The following DAZAP1 variants were observed in gnomAD, a reference collection of about 807,000 sequenced individuals.
DAZAP1 encodes the protein DAZ associated protein 1, also known as DAZ-associated protein 1.
In DAZAP1, 6 loss-of-function variants were observed where a neutral mutation model predicts 60.1. The observed-to-expected ratio is 0.10, with a 90% CI of 0.05 to 0.20. The LOEUF (loss-of-function observed/expected upper bound fraction) is 0.20. Among genes scored for constraint, DAZAP1 ranks in the 10% least tolerant of loss-of-function variants. The probability of loss-of-function intolerance (pLI) is 1.00; values close to 1 mark genes in which losing one functional copy is unlikely to be tolerated. For missense variants in DAZAP1, 366 were observed against 560.4 expected (o/e 0.65, Z 3.50); for synonymous variants, 235 against 215.9 (o/e 1.09, Z -0.78).
chr19:1,411,821 C>T (rs979724392), intron 1 of DAZAP1, among the ~76,000 whole-genome samples: 3 of 152,246 alleles, frequency 2.0e-5, no homozygotes, highest in South Asian at 2.1e-4. Flanking sequence ...GCACAGAGGG[C>T]GCTCCTGGTC....
chr19:1,428,984 A>T lies in DAZAP1; in HGVS notation c.689A>T (p.Tyr230Phe). 8 of 1,598,212 alleles carry T rather than the reference A, an allele frequency of 5.0e-6. No individual in the cohort carries two copies. The highest frequency in any genetic ancestry group is 6.8e-6 in the Non-Finnish European group (8 of 1,173,160). Residue 230 changes from tyrosine (Y) to phenylalanine (F), a missense_variant, in exon 8 of 12, where the codon TAT becomes TTT. Around this residue, in one of 3 missense-constraint regions of DAZAP1, gnomAD observed 240 missense variants for 308.8 expected, o/e 0.78. Transcript: ENST00000233078. This position sits in a 1 kb window ranked among gnomAD's most constrained non-coding sequence, Gnocchi z 4.0. ...CCCCCGCCCACGTGGCAGCAAGGAT[A>T]TGGCCCGCAAGGTAAGGCTGATGCA... is the stretch of plus-strand genomic sequence containing the variant. The part of the protein sequence containing the change: ...GQPPPTWQQG[Y>F]GPQGMWVPAG...
chr19:1,434,448 A>G lies in DAZAP1; in HGVS notation c.1049-289A>G, dbSNP rs541761739. On this transcript the variant is annotated intron_variant, in intron 11 of 11. Coordinates refer to ENST00000233078, the MANE Select transcript of DAZAP1 (RefSeq NM_018959.4). This position sits in a 1 kb window ranked among gnomAD's most constrained non-coding sequence, Gnocchi z 8.0. The stretch of plus-strand genomic sequence containing the variant: ...CTTCTCTACCTCCCCTCACCCCCCC[A>G]ACCACGTCTTCGGGATTGAACAGGG... The G allele has an allele frequency of 2.7e-6, 1 of 365,646 alleles. No individual in the cohort carries two copies. Among genetic ancestry groups the G allele is most frequent in the East Asian group, 5.7e-5 (1 of 17,684 alleles). The allele number at this position is 365,646 out of a possible 1,614,324, so 22.7% of individuals were successfully genotyped here.
chr19:1,433,655 G>GC lies in DAZAP1; in HGVS notation c.1048+968dup. 1 of 1,158,658 alleles carries GC rather than the reference G, an allele frequency of 8.6e-7. No individual in the cohort carries two copies. The highest frequency in any genetic ancestry group is 1.5e-5 in the African/African-American group (1 of 65,698). 71.8% of individuals were successfully genotyped at this position (1,158,658 alleles called of 1,614,324 possible). On this transcript the variant is annotated intron_variant, in intron 11 of 11. Transcript: ENST00000233078. The surrounding 1 kb of genome is among the most constrained non-coding windows in gnomAD (Gnocchi z 6.1). ...TGAGACTGGCAGGGGGGTGTGAGGC[G>GC]CCCGGTTGGGGCGTGGCGTGTGTCA...
At chr19:1,421,522 G>T (rs771952296) in intron 5 of DAZAP1, among the ~76,000 whole-genome samples, 1 of 152,280 alleles carries the variant, frequency 6.6e-6, no homozygotes, top group Admixed American at 6.5e-5. Flanking sequence ...CGATTCCATT[G>T]TGAACACCGT....
chr19:1,419,982 G>A (rs1283841014), intron 4 of DAZAP1, among the ~76,000 whole-genome samples: 2 of 101,704 alleles, frequency 2.0e-5, no homozygotes, highest in African/African-American at 4.1e-5. Context: ...TCACGGCGGC[G>A]AGCACTCACC....
intron 7 of DAZAP1, chr19:1,427,291 C>G (rs1292252980): frequency 6.6e-6 from 1 of 152,338 alleles, no homozygotes; most frequent in Non-Finnish European, 1.5e-5. Flanking sequence ...ACAGTGCACA[C>G]ACCTGCTGCC....
At position 1,432,793 on chromosome 19, in the gene DAZAP1, C is replaced by A; in HGVS notation, c.1048+103C>A. Reference sequence around the variant, plus strand: ...CCTGCTGGACGCTCCCCAGCCTTTACCTGGTGGGAAAGGGGAGAGGGAGGA... The same window carrying A: ...CCTGCTGGACGCTCCCCAGCCTTTAACTGGTGGGAAAGGGGAGAGGGAGGA... On this transcript the variant is annotated intron_variant, in intron 11 of 11. Coordinates refer to ENST00000233078, the MANE Select transcript of DAZAP1 (RefSeq NM_018959.4). This position sits in a 1 kb window ranked among gnomAD's most constrained non-coding sequence, Gnocchi z 4.9. 7.4e-7 allele frequency: 1 copy of A among 1,355,562 alleles called. No individual in the cohort carries two copies. Among genetic ancestry groups the A allele is most frequent in the Non-Finnish European group, 1.0e-6 (1 of 993,054 alleles). The allele number at this position is 1,355,562 out of a possible 1,614,324, so 84.0% of individuals were successfully genotyped here. A position where few individuals can be genotyped will look rare whatever the true frequency, so the allele number is the denominator to read the frequency against.
At chr19:1,410,139 AGTTTTGAGG>A (rs1380948239) in intron 1 of DAZAP1, 1 of 152,208 alleles carries the variant, frequency 6.6e-6, no homozygotes, top group South Asian at 2.1e-4. Flanking sequence ...AGTCGTCCCA[AGTTTTGAGG>A]GTCCCTGTGC....
In DAZAP1 at chr19:1,430,261, C is replaced by T. The variant is rs2083411229; in HGVS notation, c.770C>T (p.Pro257Leu). ...GPPPAGRGAP[P>L]PPPPFTSYIV... ...CCCCCTGCAGGAAGAGGAGCCCCCC[C>T]GCCACCCCCACCGTTCACCTCCTAC... The change falls in exon 10 of 12, where the codon CCG becomes CTG. Residue 257 changes from proline (P) to leucine (L), a missense_variant. Physicochemically the swap from Pro to Leu is moderately conservative, Grantham distance 98 (BLOSUM62 -3). Transcript: ENST00000233078. 2.3e-6 allele frequency: 3 copies of T among 1,293,868 alleles called. No individual in the cohort carries two copies. The highest frequency in any genetic ancestry group is 3.3e-6 in the Non-Finnish European group (3 of 920,020). The allele number at this position is 1,293,868 out of a possible 1,614,324, so 80.1% of individuals were successfully genotyped here. A position where few individuals can be genotyped will look rare whatever the true frequency, so the allele number is the denominator to read the frequency against.
At chr19:1,410,611 C>T (rs889694224) in intron 1 of DAZAP1, among the ~76,000 whole-genome samples, 8 of 152,154 alleles carry the variant, frequency 5.3e-5, no homozygotes, top group Non-Finnish European at 7.4e-5. Context: ...CGGCCGGGGT[C>T]GCCACATCCT....
At position 1,418,413 on chromosome 19, in the gene DAZAP1, CT is replaced by C. The variant is rs751097439; in HGVS notation, c.237+44del. The C allele has an allele frequency of 1.0e-5, 16 of 1,599,788 alleles. No individual in the cohort carries two copies. Among genetic ancestry groups the C allele is most frequent in the Middle Eastern group, 3.9e-4 (2 of 5,092 alleles). The stretch of plus-strand genomic sequence containing the variant: ...AGCTCACACCCGCTCTCTGTCTCCC[CT>C]GTCCTTCCTCTGCTTCATTTTTTCC... On this transcript the variant is annotated intron_variant, in intron 3 of 11. Transcript: ENST00000233078. This position sits in a 1 kb window ranked among gnomAD's most constrained non-coding sequence, Gnocchi z 5.7.
Position 1,430,380 on chromosome 19 carries a change from T to G in DAZAP1, c.871+18T>G. 2 of 1,478,318 alleles carry G rather than the reference T, an allele frequency of 1.4e-6. No homozygotes were observed. The highest frequency in any genetic ancestry group is 1.8e-6 in the Non-Finnish European group (2 of 1,117,296). The allele number at this position is 1,478,318 out of a possible 1,614,324, so 91.6% of individuals were successfully genotyped here. A position where few individuals can be genotyped will look rare whatever the true frequency, so the allele number is the denominator to read the frequency against. On this transcript the variant is annotated intron_variant, in intron 10 of 11. Transcript: ENST00000233078. ...ACAGTTCAGTAAGTCTAGGGGGCCT[T>G]GTGGGAGGGCCTCCCGCCTGCTCCG...
chr19:1,429,447 C>T (rs1441136313), intron 8 of DAZAP1, among the ~76,000 whole-genome samples: 2 of 152,226 alleles, frequency 1.3e-5, no homozygotes, highest in Non-Finnish European at 2.9e-5. Context: ...GTTAGGCCCA[C>T]GTTGTGGGCC....
rs2083469690 is a variant in DAZAP1, at chr19:1,432,212, G to C, written c.872-302G>C. 1 of 465,318 alleles carries C rather than the reference G, an allele frequency of 2.1e-6. No individual in the cohort carries two copies. Among genetic ancestry groups the C allele is most frequent in the Non-Finnish European group, 3.9e-6 (1 of 259,244 alleles). The allele number at this position is 465,318 out of a possible 1,614,324, so 28.8% of individuals were successfully genotyped here. ...TTCTGAAAGAGCAATTTTGCTGTGA[G>C]GTTACTTGCTCCTTGAGTTCTTGTC... On this transcript the variant is annotated intron_variant, in intron 10 of 11. Transcript: ENST00000233078. This position sits in a 1 kb window ranked among gnomAD's most constrained non-coding sequence, Gnocchi z 4.9.
In DAZAP1 at chr19:1,433,075, GC is replaced by G; in HGVS notation, c.1048+387del. The G allele has an allele frequency of 4.6e-6, 1 of 217,872 alleles. No homozygotes were observed. The highest frequency in any genetic ancestry group is 9.2e-6 in the Non-Finnish European group (1 of 108,748). 13.5% of individuals were successfully genotyped at this position (217,872 alleles called of 1,614,324 possible). On this transcript the variant is annotated intron_variant, in intron 11 of 11. Coordinates refer to ENST00000233078, the MANE Select transcript of DAZAP1 (RefSeq NM_018959.4). This position sits in a 1 kb window ranked among gnomAD's most constrained non-coding sequence, Gnocchi z 6.1. ...TGGGTTCCAGTTTCTGGCGTCATCAGCCTCCTGCTGGGTCCAGACCCCGCTT... is the reference window on the plus strand; with the variant it reads ...TGGGTTCCAGTTTCTGGCGTCATCAGCTCCTGCTGGGTCCAGACCCCGCTT...
chr19:1,428,804 C>G lies in DAZAP1; in HGVS notation c.547-38C>G, dbSNP rs750388166. ...TCTAAAGGGAAGGGGGTGCTGGGAC[C>G]CGCAGCCTCGCCCTAAACCAGAGCT... is the stretch of plus-strand genomic sequence containing the variant. On this transcript the variant is annotated intron_variant, in intron 7 of 11. Coordinates refer to ENST00000233078, the MANE Select transcript of DAZAP1 (RefSeq NM_018959.4). This position sits in a 1 kb window ranked among gnomAD's most constrained non-coding sequence, Gnocchi z 4.0. The G allele has an allele frequency of 6.2e-7, 1 of 1,611,362 alleles. No individual in the cohort carries two copies. The highest frequency in any genetic ancestry group is 8.5e-7 in the Non-Finnish European group (1 of 1,178,968).
At chr19:1,412,031 G>A (rs115634417) in intron 1 of DAZAP1, among the ~76,000 whole-genome samples, 2,773 of 152,332 alleles carry the variant, frequency 0.018, 82 homozygotes, top group African/African-American at 0.062. Context: ...GGCTCCAGGC[G>A]TTGCCAAGGA....
At chr19:1,409,513 G>A (rs936234729) in intron 1 of DAZAP1, among the ~76,000 whole-genome samples, 2 of 152,202 alleles carry the variant, frequency 1.3e-5, no homozygotes, top group Non-Finnish European at 2.9e-5. Flanking sequence ...GCTGCGTGGA[G>A]GAGAACTGGA....
chr19:1,432,966 G>A lies in DAZAP1; in HGVS notation c.1048+276G>A, dbSNP rs538862583. 24 of 449,368 alleles carry A rather than the reference G, an allele frequency of 5.3e-5. No homozygotes were observed. Among genetic ancestry groups the A allele is most frequent in the African/African-American group, 8.0e-5 (4 of 49,824 alleles). The allele number at this position is 449,368 out of a possible 1,614,324, so 27.8% of individuals were successfully genotyped here. A position where few individuals can be genotyped will look rare whatever the true frequency, so the allele number is the denominator to read the frequency against. ...TGGGAACCTGAGTGGCGACTGGGTC[G>A]AGGGAAGTGAGTCGCAGGCAGCTGT... On this transcript the variant is annotated intron_variant, in intron 11 of 11. Transcript: ENST00000233078. This position sits in a 1 kb window ranked among gnomAD's most constrained non-coding sequence, Gnocchi z 4.9.
Sources: allele counts gnomAD v4.1 joint callset (sites outside exome capture counted in the v4.1 genomes callset), GRCh38; gene constraint gnomAD v4.1.1; regional missense constraint gnomAD v4.1.1; non-coding constraint Gnocchi (gnomAD v3.1); transcripts MANE v1.5; gene names NCBI Gene and HGNC (gene_info 2026-07-23, HGNC 2026-07-21).